RAPGEF2: variants seen among roughly 807,000 people sequenced by gnomAD.
RAPGEF2 encodes the protein PDZ domain containing guanine nucleotide exchange factor (GEF) 1.
Under a neutral mutation model 186.7 loss-of-function variants are expected in RAPGEF2, and 54 were observed. The observed-to-expected ratio is 0.29, with a 90% CI of 0.23 to 0.36. The LOEUF (loss-of-function observed/expected upper bound fraction) is 0.36. Ranked by LOEUF, RAPGEF2 falls within the 10% of genes least tolerant of loss-of-function variation. RAPGEF2 has a pLI of 1.00. For missense variants in RAPGEF2, 1,532 were observed against 2,045.0 expected (o/e 0.75, Z 4.84); for synonymous variants, 712 against 705.9 (o/e 1.01, Z -0.14).
chr4:159,186,422 T>C (rs1372595436), intron 1 of RAPGEF2, among the ~76,000 whole-genome samples: 1 of 152,116 alleles, frequency 6.6e-6, no homozygotes, highest in Non-Finnish European at 1.5e-5. Context: ...CATTTTATTT[T>C]ATATTTTAGT....
At position 159,103,458 on chromosome 4, in the gene RAPGEF2, C is replaced by G. The variant is rs897655800; in HGVS notation, c.-705C>G. ...AGAGGCGGCGGCGGCGGCGGCTGGG[C>G]GGCCCGAGGGGATGCAGCAGCAGTC... On this transcript the variant is annotated 5_prime_UTR_variant, in exon 1 of 30. Coordinates refer to ENST00000691494, the MANE Select transcript of RAPGEF2 (RefSeq NM_001394067.2). 6.3e-6 allele frequency: 1 copy of G among 159,098 alleles called. No individual in the cohort carries two copies. Among genetic ancestry groups the G allele is most frequent in the African/African-American group, 2.4e-5 (1 of 41,346 alleles). 9.9% of individuals were successfully genotyped at this position (159,098 alleles called of 1,614,324 possible). A position where few individuals can be genotyped will look rare whatever the true frequency, so the allele number is the denominator to read the frequency against.
chr4:159,134,304 T>A (rs946930645), intron 1 of RAPGEF2, among the ~76,000 whole-genome samples: 1 of 152,268 alleles, frequency 6.6e-6, no homozygotes, highest in Non-Finnish European at 1.5e-5. Flanking sequence ...TAGTGTTGTA[T>A]GTATCAATGG....
Position 159,198,318 on chromosome 4 carries a change from C to CTCTTTT in RAPGEF2, c.197+5063_197+5064insCTTTTT, listed in dbSNP as rs1554008605. Among the ~76,000 whole-genome samples, 5 of 50,488 alleles carry CTCTTTT rather than the reference C, an allele frequency of 9.9e-5. 1 individual carries two copies. Among genetic ancestry groups the CTCTTTT allele is most frequent in the African/African-American group, 4.7e-4 (5 of 10,600 alleles). 33.1% of individuals were successfully genotyped at this position (50,488 alleles called of 152,430 possible). A position where few individuals can be genotyped will look rare whatever the true frequency, so the allele number is the denominator to read the frequency against. ...TCTTTCTTTCTTTCTTTCTTTCTTT[C>CTCTTTT]TTTCTTTCTTTCTTTCTTTTTCTTT... On this transcript the variant is annotated intron_variant, in intron 3 of 29. Transcript: ENST00000691494.
chr4:159,263,397 T>TG (rs999944018), intron 7 of RAPGEF2, among the ~76,000 whole-genome samples: 2 of 152,146 alleles, frequency 1.3e-5, no homozygotes, highest in African/African-American at 4.8e-5. Flanking sequence ...ATGACATTTT[T>TG]GGGGGGAACA....
chr4:159,335,708 G>A (rs572171898), intron 17 of RAPGEF2, among the ~76,000 whole-genome samples: 3 of 151,996 alleles, frequency 2.0e-5, no homozygotes, highest in Non-Finnish European at 4.4e-5. Context: ...GGTGGCGGAC[G>A]TCTGTAGTCC....
chr4:159,186,739 C>G (rs1279019170), intron 2 of RAPGEF2, 27 bp downstream of exon 2: 1 of 1,272,384 alleles, frequency 7.9e-7, no homozygotes, highest in African/African-American at 1.5e-5. Flanking sequence ...TTCAGTTAAT[C>G]ATAGAATGGT....
At chr4:159,346,527 T>A (rs1173434273) in intron 24 of RAPGEF2, among the ~76,000 whole-genome samples, 1 of 152,220 alleles carries the variant, frequency 6.6e-6, no homozygotes, top group East Asian at 1.9e-4. Context: ...ATATTTTTAA[T>A]GGGGTGTTTA....
At chr4:159,268,087 A>G in intron 7 of RAPGEF2, 1 of 1,586,726 alleles carries the variant, frequency 6.3e-7, no homozygotes, top group Non-Finnish European at 8.6e-7. Context: ...AATGCTGTAG[A>G]GGGTGACTTG....
chr4:159,318,004 C>T (rs1764798870), intron 9 of RAPGEF2, among the ~76,000 whole-genome samples: 1 of 151,792 alleles, frequency 6.6e-6, no homozygotes, highest in Admixed American at 6.6e-5. Flanking sequence ...TTCCCAGAAT[C>T]TCTAGAAAGC....
chr4:159,104,491 A>C (rs1737572360), intron 1 of RAPGEF2, among the ~76,000 whole-genome samples: 2 of 72,014 alleles, frequency 2.8e-5, no homozygotes, highest in South Asian at 8.8e-4. Flanking sequence ...TGCCCAGCCG[A>C]GAGAGAGAGA....
intron 7 of RAPGEF2, among the ~76,000 whole-genome samples, chr4:159,259,355 A>G (rs758940854): frequency 3.3e-5 from 5 of 152,242 alleles, no homozygotes; most frequent in African/African-American, 4.8e-5. Flanking sequence ...TCCAATATCC[A>G]GAAATGATGA....
intron 1 of RAPGEF2, among the ~76,000 whole-genome samples, chr4:159,129,950 T>C (rs1740833348): frequency 6.6e-6 from 1 of 152,136 alleles, no homozygotes; most frequent in African/African-American, 2.4e-5. Context: ...ATTTCTTGAT[T>C]ATATACTAAA....
intron 7 of RAPGEF2, chr4:159,282,387 C>T (rs1333896926): frequency 1.1e-5 from 2 of 182,228 alleles, no homozygotes; most frequent in East Asian, 1.7e-4. Context: ...CTAAGTACTT[C>T]AATTTTTTCC....
chr4:159,104,467 C>T (rs1033708449), intron 1 of RAPGEF2, among the ~76,000 whole-genome samples: 7 of 148,338 alleles, frequency 4.7e-5, no homozygotes, highest in African/African-American at 1.8e-4. Context: ...CATGACTGAC[C>T]TTTCCCACTA....
intron 1 of RAPGEF2, among the ~76,000 whole-genome samples, chr4:159,157,342 T>G (rs759533475): frequency 2.2e-4 from 34 of 152,076 alleles, no homozygotes; most frequent in South Asian, 2.1e-4. Flanking sequence ...CAGTGGTGAT[T>G]GAAAAAAAAG....
At chr4:159,323,062 T>C (rs974634720) in intron 10 of RAPGEF2, among the ~76,000 whole-genome samples, 1 of 152,220 alleles carries the variant, frequency 6.6e-6, no homozygotes, top group African/African-American at 2.4e-5. Flanking sequence ...GTTTTTGATA[T>C]ATTAACTTTT....
At chr4:159,137,037 G>C (rs1190407243) in intron 1 of RAPGEF2, among the ~76,000 whole-genome samples, 1 of 152,144 alleles carries the variant, frequency 6.6e-6, no homozygotes, top group Non-Finnish European at 1.5e-5. Context: ...TTTGTAAACA[G>C]AAAAGGTGGG....
intron 9 of RAPGEF2, among the ~76,000 whole-genome samples, chr4:159,320,798 T>C (rs1453172810): frequency 6.6e-6 from 1 of 152,088 alleles, no homozygotes; most frequent in Non-Finnish European, 1.5e-5. Flanking sequence ...AACATAAAAT[T>C]TGTCACTAAA....
chr4:159,353,400 A>C lies in RAPGEF2; in HGVS notation c.4092-87A>C. ...TGGGATGAAAGCAAGCTACCTTTCT[A>C]GGAAAAAGGGTATTTTGGTTTTATC... On this transcript the variant is annotated intron_variant, in intron 27 of 29. Transcript: ENST00000691494. This position sits in a 1 kb window ranked among gnomAD's most constrained non-coding sequence, Gnocchi z 4.3. The C allele has an allele frequency of 9.2e-7, 1 of 1,090,776 alleles. No individual in the cohort carries two copies. The highest frequency in any genetic ancestry group is 1.2e-6 in the Non-Finnish European group (1 of 805,672). The allele number at this position is 1,090,776 out of a possible 1,614,324, so 67.6% of individuals were successfully genotyped here. A position where few individuals can be genotyped will look rare whatever the true frequency, so the allele number is the denominator to read the frequency against.
Sources: allele counts gnomAD v4.1 joint callset (sites outside exome capture counted in the v4.1 genomes callset), GRCh38; gene constraint gnomAD v4.1.1; non-coding constraint Gnocchi (gnomAD v3.1); transcripts MANE v1.5; gene names NCBI Gene and HGNC (gene_info 2026-07-23, HGNC 2026-07-21).